FRMD6: variants seen among roughly 807,000 people sequenced by gnomAD.
FRMD6 encodes the protein FERM domain-containing protein 6.
FRMD6 carries 37 observed loss-of-function variants against 73.2 expected under a neutral mutation model. That is an observed-to-expected ratio of 0.51 (90% confidence interval 0.39 to 0.66). FRMD6 has a LOEUF of 0.66. FRMD6 is among the 30% of genes least tolerant of loss of function. FRMD6 has a pLI of 0.00. For missense variants in FRMD6, 714 were observed against 780.5 expected (o/e 0.91, Z 1.02); for synonymous variants, 273 against 282.2 (o/e 0.97, Z 0.33).
chr14:51,532,722 G>A (rs1245030451), intron 1 of FRMD6, among the ~76,000 whole-genome samples: 1 of 152,174 alleles, frequency 6.6e-6, no homozygotes, highest in Non-Finnish European at 1.5e-5. Context: ...TGAAACTCTT[G>A]AGGACAGAGT....
intron 1 of FRMD6, chr14:51,547,696 G>A (rs1393304656): frequency 1.3e-5 from 2 of 152,072 alleles, no homozygotes; most frequent in Non-Finnish European, 2.9e-5. Flanking sequence ...TTAAAACATT[G>A]TGATGCTCAC....
chr14:51,538,851 A>C (rs1886051549), intron 1 of FRMD6, among the ~76,000 whole-genome samples: 1 of 152,110 alleles, frequency 6.6e-6, no homozygotes. Context: ...TTTTCATTTT[A>C]GGATCATCTT....
intron 2 of FRMD6, among the ~76,000 whole-genome samples, chr14:51,694,263 G>C (rs1024307620): frequency 6.6e-6 from 1 of 152,192 alleles, no homozygotes; most frequent in Non-Finnish European, 1.5e-5. Flanking sequence ...AGATTTGAGT[G>C]AAGTAATTGT....
At chr14:51,686,511 A>C (rs192953707) in intron 1 of FRMD6, among the ~76,000 whole-genome samples, 1 of 152,282 alleles carries the variant, frequency 6.6e-6, no homozygotes, top group Admixed American at 6.5e-5. Context: ...TGTGCACTTA[A>C]AGTTCCAGTG....
At chr14:51,569,730 A>G (rs967743620) in intron 1 of FRMD6, among the ~76,000 whole-genome samples, 3 of 151,230 alleles carry the variant, frequency 2.0e-5, no homozygotes, top group African/African-American at 7.3e-5. Context: ...TCAAACTCCT[A>G]GGCTCAAGTG....
chr14:51,697,939 C>T, intron 2 of FRMD6: 2 of 462,920 alleles, frequency 4.3e-6, no homozygotes, highest in Non-Finnish European at 3.9e-6. Context: ...ACTTTATTAC[C>T]ATGTTGTAAA....
chr14:51,716,330 G>C (rs1013676500), intron 10 of FRMD6, among the ~76,000 whole-genome samples: 2 of 151,344 alleles, frequency 1.3e-5, no homozygotes, highest in African/African-American at 4.9e-5. Flanking sequence ...TTTTGTTTAT[G>C]CTTTCAAAGA....
intron 1 of FRMD6, among the ~76,000 whole-genome samples, chr14:51,494,385 C>T (rs1056248118): frequency 2.6e-5 from 4 of 152,112 alleles, no homozygotes; most frequent in Non-Finnish European, 5.9e-5. Flanking sequence ...TGGACATTCC[C>T]AATCCAAAAA....
intron 1 of FRMD6, among the ~76,000 whole-genome samples, chr14:51,507,083 G>GAGAC (rs1555370900): frequency 7.2e-6 from 1 of 138,992 alleles, no homozygotes; most frequent in Non-Finnish European, 1.6e-5. Flanking sequence ...TGGTTGTATA[G>GAGAC]ACACACACAC....
At chr14:51,597,214 G>A (rs1056848415) in intron 2 of FRMD6, among the ~76,000 whole-genome samples, 1 of 152,146 alleles carries the variant, frequency 6.6e-6, no homozygotes, top group African/African-American at 2.4e-5. Context: ...ACCATAGAGA[G>A]CTTATCTTAT....
chr14:51,430,475 A>G, the FRMD6 span, among the ~76,000 whole-genome samples: 1 of 152,148 alleles, frequency 6.6e-6, no homozygotes, highest in Non-Finnish European at 1.5e-5. Context: ...TAGTAGCTCC[A>G]CGCAAATTGG....
At chr14:51,716,626 C>G (rs937930301) in intron 10 of FRMD6, among the ~76,000 whole-genome samples, 9 of 152,122 alleles carry the variant, frequency 5.9e-5, no homozygotes, top group African/African-American at 2.2e-4. Flanking sequence ...TTTGGCAATT[C>G]TTTTGTAATT....
intron 2 of FRMD6, among the ~76,000 whole-genome samples, chr14:51,619,946 C>A (rs1242956179): frequency 6.6e-6 from 1 of 152,144 alleles, no homozygotes; most frequent in East Asian, 1.9e-4. Context: ...GGGGTAATTC[C>A]CCTGTAGTCT....
intron 2 of FRMD6, among the ~76,000 whole-genome samples, chr14:51,601,290 C>T (rs541012272): frequency 1.3e-5 from 2 of 152,156 alleles, no homozygotes; most frequent in Non-Finnish European, 1.5e-5. Context: ...CCGAGACCAC[C>T]TTTCTATGAG....
At chr14:51,668,395 C>T (rs998542679) in intron 1 of FRMD6, among the ~76,000 whole-genome samples, 2 of 152,084 alleles carry the variant, frequency 1.3e-5, no homozygotes, top group Non-Finnish European at 2.9e-5. Context: ...CAACCTCCGC[C>T]TCCTGGGTTC....
chr14:51,657,754 C>T (rs758276387), intron 1 of FRMD6, among the ~76,000 whole-genome samples: 27 of 152,052 alleles, frequency 1.8e-4, no homozygotes, highest in Non-Finnish European at 2.9e-4. Context: ...GGAAAAAAAG[C>T]AATCTTAAGA....
chr14:51,433,220 T>C, the FRMD6 span, among the ~76,000 whole-genome samples: 1 of 152,174 alleles, frequency 6.6e-6, no homozygotes, highest in African/African-American at 2.4e-5. Flanking sequence ...TCCAATGATA[T>C]GACAGTACAT....
chr14:51,701,103 T>C lies in FRMD6; in HGVS notation c.238T>C (p.Cys80Arg). 1 of 1,579,652 alleles carries C rather than the reference T, an allele frequency of 6.3e-7. No homozygotes were observed. Among genetic ancestry groups the C allele is most frequent in the Non-Finnish European group, 8.6e-7 (1 of 1,159,602 alleles). The change falls in exon 4 of 14, where the codon TGT (cysteine) becomes CGT (arginine). Residue 80 changes from cysteine to arginine, a missense_variant. Transcript: ENST00000344768. ...GTTGTCACAAAAGCTTTACAAATAT[T>C]GTCCAAAAGAATGGAAGAAAGAGGC... ...MELSQKLYKY[C>R]PKEWKKEASK... is the part of the protein sequence containing the mutation.
the FRMD6 span, among the ~76,000 whole-genome samples, chr14:51,479,845 A>C: frequency 6.6e-6 from 1 of 152,222 alleles, no homozygotes; most frequent in Non-Finnish European, 1.5e-5. Context: ...TAGCAGTTGC[A>C]GAGGCATGTG....
Sources: gnomAD v4.1 joint callset for allele counts (sites outside exome capture counted in the v4.1 genomes callset) on GRCh38, gnomAD v4.1.1 for gene constraint, MANE v1.5 for transcripts, NCBI Gene and HGNC (gene_info 2026-07-23, HGNC 2026-07-21) for gene names.